MSR1: variants seen among roughly 807,000 people sequenced by gnomAD.
The protein encoded by MSR1 is macrophage scavenger receptor types I and II.
A neutral mutation model predicts 47.2 loss-of-function variants in MSR1; 53 were observed. The observed-to-expected ratio is 1.12, with a 90% confidence interval of 0.90 to 1.41. The LOEUF (loss-of-function observed/expected upper bound fraction) is 1.41. Ranked by LOEUF, MSR1 falls within the 40% of genes most tolerant of loss-of-function variation. The pLI is 0.00. For missense variants in MSR1, 786 were observed against 546.9 expected (o/e 1.44, Z -4.36); for synonymous variants, 239 against 185.6 (o/e 1.29, Z -2.34).
intron 7 of MSR1, among the ~76,000 whole-genome samples, chr8:16,144,091 G>T (rs1800633631): frequency 6.6e-6 from 1 of 152,066 alleles, no homozygotes; most frequent in African/African-American, 2.4e-5. Context: ...CATGGGGAAG[G>T]TAGGAAGATC....
At chr8:16,123,998 A>G (rs2117070102) in intron 8 of MSR1, among the ~76,000 whole-genome samples, 1 of 152,200 alleles carries the variant, frequency 6.6e-6, no homozygotes, top group Middle Eastern at 3.4e-3. Context: ...CTAAGTTTAT[A>G]TTTTACAGTT....
At chr8:16,117,341 T>C (rs911383776) in intron 9 of MSR1, among the ~76,000 whole-genome samples, 4 of 152,170 alleles carry the variant, frequency 2.6e-5, no homozygotes, top group African/African-American at 7.2e-5. Flanking sequence ...GCAGCCGTGA[T>C]GCTAGAGCTG....
intron 1 of MSR1, among the ~76,000 whole-genome samples, chr8:16,189,460 A>C (rs1203449581): frequency 8.8e-5 from 2 of 22,668 alleles, no homozygotes; most frequent in East Asian, 2.3e-3. Flanking sequence ...ATCTTATTTT[A>C]TATATATTTT....
At chr8:16,155,338 G>A (rs35133456) in intron 5 of MSR1, among the ~76,000 whole-genome samples, 194 bp from the exon 6 acceptor site, 177 of 152,046 alleles carry the variant, frequency 1.2e-3, no homozygotes, top group African/African-American at 4.1e-3. Context: ...TACTAATGAG[G>A]ATGACATTGC....
At chr8:16,141,178 A>T (rs1262723297) in intron 8 of MSR1, 1 of 947,104 alleles carries the variant, frequency 1.1e-6, no homozygotes, top group African/African-American at 1.7e-5. Context: ...GATGTGGGGA[A>T]TCAGGCACTT....
rs1801376379 is a variant in MSR1, at chr8:16,168,339, C to T, written c.630+119G>A. ...ATCTGGATAAGTTAGCCATAGAAAT[C>T]AGGGTAAACAGGATGATGAAACAGG... On this transcript the variant is annotated intron_variant, in intron 4 of 9. Coordinates refer to ENST00000262101, the MANE Select transcript of MSR1 (RefSeq NM_138715.3). The T allele has an allele frequency of 3.2e-6, 3 of 939,758 alleles. No homozygotes were observed. The South Asian group carries it at 4.3e-5, about 14-fold the overall frequency. The allele number at this position is 939,758 out of a possible 1,614,324, so 58.2% of individuals were successfully genotyped here.
chr8:16,123,933 A>G (rs1334001191), intron 8 of MSR1, among the ~76,000 whole-genome samples: 1 of 152,054 alleles, frequency 6.6e-6, no homozygotes, highest in Non-Finnish European at 1.5e-5. Context: ...TTTTGTTGCA[A>G]GCTAGATATC....
intron 9 of MSR1, 90 bp downstream of exon 9, chr8:16,120,328 G>A: frequency 7.3e-7 from 1 of 1,369,526 alleles, no homozygotes; most frequent in Non-Finnish European, 1.0e-6. Context: ...AGTGAGCCGA[G>A]ATCGCGCCAC....
intron 4 of MSR1, among the ~76,000 whole-genome samples, chr8:16,165,269 T>C (rs1290653011): frequency 6.6e-6 from 1 of 152,094 alleles, no homozygotes; most frequent in Non-Finnish European, 1.5e-5. Context: ...GCGTCCACTT[T>C]TTGCAGCTGA....
chr8:16,122,443 G>T (rs1183794418), intron 8 of MSR1, among the ~76,000 whole-genome samples: 1 of 151,974 alleles, frequency 6.6e-6, no homozygotes, highest in African/African-American at 2.4e-5. Context: ...TGAAAAATCA[G>T]GCATACTCAA....
chr8:16,149,612 CA>C (rs1220869600), intron 7 of MSR1, among the ~76,000 whole-genome samples: 1 of 152,050 alleles, frequency 6.6e-6, no homozygotes, highest in Non-Finnish European at 1.5e-5. Context: ...TCAAAGTTTG[CA>C]ATTTAAGCTT....
intron 8 of MSR1, among the ~76,000 whole-genome samples, chr8:16,127,945 A>G (rs1275786417): frequency 6.6e-6 from 1 of 152,138 alleles, no homozygotes; most frequent in African/African-American, 2.4e-5. Context: ...ACCATTGGTT[A>G]TTGTCTGTTT....
In MSR1 at chr8:16,178,049, T is replaced by C. The variant is rs1269504298; in HGVS notation, c.-4-57A>G. 6.6e-5 allele frequency: 89 copies of C among 1,352,878 alleles called. No homozygotes were observed. In the East Asian group the frequency reaches 1.7e-3, roughly 26 times the overall value. 83.8% of individuals were successfully genotyped at this position (1,352,878 alleles called of 1,614,324 possible). A position where few individuals can be genotyped will look rare whatever the true frequency, so the allele number is the denominator to read the frequency against. ...CCACATGAAATGGCTAGGGCTCTTT[T>C]GCATAATGTTTTAAACTGAAATTTC... On this transcript the variant is annotated intron_variant, in intron 1 of 9. Coordinates refer to ENST00000262101, the MANE Select transcript of MSR1 (RefSeq NM_138715.3).
intron 1 of MSR1, among the ~76,000 whole-genome samples, chr8:16,187,639 C>T (rs1802041922): frequency 1.3e-5 from 2 of 151,914 alleles, no homozygotes; most frequent in Admixed American, 6.6e-5. Flanking sequence ...ATACATAATG[C>T]CGTATTTAAA....
intron 5 of MSR1, among the ~76,000 whole-genome samples, chr8:16,161,852 A>G (rs1411643247): frequency 6.6e-6 from 1 of 151,970 alleles, no homozygotes; most frequent in Non-Finnish European, 1.5e-5. Context: ...TGTATTTGAA[A>G]TGAAGTCACA....
chr8:16,136,354 G>A (rs902856295), intron 8 of MSR1, among the ~76,000 whole-genome samples: 8 of 152,044 alleles, frequency 5.3e-5, no homozygotes, highest in African/African-American at 1.2e-4. Flanking sequence ...AACAACTTCC[G>A]GAAGGTTCAA....
chr8:16,164,084 T>C lies in MSR1; in HGVS notation c.798A>G (p.Arg266=). 1 of 1,608,898 alleles carries C rather than the reference T, an allele frequency of 6.2e-7. No homozygotes were observed. Among genetic ancestry groups the C allele is most frequent in the South Asian group, 1.1e-5 (1 of 90,514 alleles). ...TTTTACCTTGAATTAAAGTGATATTTCTCAAGGTCTGAGAATGTTCCCAAT... is the reference window on the plus strand; with the variant it reads ...TTTTACCTTGAATTAAAGTGATATTCCTCAAGGTCTGAGAATGTTCCCAAT... ...LKDWEHSQTL[R]NITLIQGPPG... The change falls in exon 5 of 10, where the codon AGA becomes AGG. Residue 266 remains arginine (R), a synonymous_variant. Transcript: ENST00000262101.
rs971901279 is a variant in MSR1 at position 16,109,376 on chromosome 8, T to A, written c.*709A>T. The A allele has an allele frequency of 2.0e-5, 3 of 152,192 alleles. No individual in the cohort carries two copies. Among genetic ancestry groups the A allele is most frequent in the Non-Finnish European group, 2.9e-5 (2 of 68,058 alleles). The allele number at this position is 152,192 out of a possible 1,614,324, so 9.4% of individuals were successfully genotyped here. On this transcript the variant is annotated 3_prime_UTR_variant, in exon 10 of 10. Coordinates refer to ENST00000262101, the MANE Select transcript of MSR1 (RefSeq NM_138715.3). ...AAAGTGCATAACAAACTAAACTTCC[T>A]GTTAAGTGGCATTTTTGATCCACCA...
intron 8 of MSR1, among the ~76,000 whole-genome samples, 158 bp downstream of exon 8, chr8:16,143,400 A>G (rs1800612745): frequency 6.6e-6 from 1 of 152,096 alleles, no homozygotes; most frequent in Non-Finnish European, 1.5e-5. Flanking sequence ...TTTTACCCCA[A>G]TTAGCATGCT....
Sources: allele counts gnomAD v4.1 joint callset (sites outside exome capture counted in the v4.1 genomes callset), GRCh38; gene constraint gnomAD v4.1.1; transcripts MANE v1.5; gene names NCBI Gene and HGNC (gene_info 2026-07-23, HGNC 2026-07-21).